NUMB: variants seen among roughly 807,000 people sequenced by gnomAD.
The protein encoded by NUMB is protein numb homolog.
NUMB carries 29 observed loss-of-function variants against 59.7 expected under a neutral mutation model. The ratio of observed to expected loss-of-function variants is 0.49; its 90% CI spans 0.36 to 0.66. The LOEUF (loss-of-function observed/expected upper bound fraction) is 0.66, where lower values mean the gene tolerates loss of function less well. Among genes scored for constraint, NUMB ranks in the 30% least tolerant of loss-of-function variants. The pLI, the probability that NUMB is intolerant of heterozygous loss-of-function variation, is 0.00. For missense variants in NUMB, 723 were observed against 822.0 expected (o/e 0.88, Z 1.47); for synonymous variants, 288 against 288.2 (o/e 1.00, Z 0.01).
chr14:73,292,702 C>G, intron 8 of NUMB, 32 bp downstream of exon 8: 1 of 1,610,378 alleles, frequency 6.2e-7, no homozygotes, highest in South Asian at 1.1e-5. Context: ...ACTGAGAATA[C>G]TCATCATGAA....
intron 6 of NUMB, 135 bp from the exon 7 acceptor site, chr14:73,297,420 GC>G (rs1476998106): frequency 1.7e-6 from 1 of 588,582 alleles, no homozygotes; most frequent in African/African-American, 1.9e-5. Flanking sequence ...CAGGAGTGGT[GC>G]CCAAACCCAG....
At chr14:73,386,864 C>CTTTTTTTTTTTTTTTTT (rs1566773800) in intron 2 of NUMB, among the ~76,000 whole-genome samples, 1 of 73,808 alleles carries the variant, frequency 1.4e-5, no homozygotes, top group African/African-American at 5.5e-5. Flanking sequence ...TATCAGGTGT[C>CTTTTTTTTTTTTTTTTT]TTATTTTTTT....
rs1566756283 is a variant in NUMB at position 73,352,509 on chromosome 14, TATATATATATATATATA to T, written c.126+3100_126+3116del. On this transcript the variant is annotated intron_variant, in intron 4 of 12. Transcript: ENST00000555238. ...ATATATATATATATATATATATATATATATATATATATATATATATGTTTTTTTTTTTTTTTTTTTTT... is the reference window on the plus strand; with the variant it reads ...ATATATATATATATATATATATATATTATGTTTTTTTTTTTTTTTTTTTTT... Among the ~76,000 whole-genome samples, 97 of 17,676 alleles carry T rather than the reference TATATATATATATATATA, an allele frequency of 5.5e-3. 9 individuals are homozygous for T. Among genetic ancestry groups the T allele is most frequent in the African/African-American group, 6.6e-3 (14 of 2,132 alleles). 11.6% of individuals were successfully genotyped at this position (17,676 alleles called of 152,430 possible).
At chr14:73,296,251 T>C (rs1889761179) in intron 7 of NUMB, among the ~76,000 whole-genome samples, 1 of 152,158 alleles carries the variant, frequency 6.6e-6, no homozygotes, top group Admixed American at 6.5e-5. Context: ...AAGACCAGCC[T>C]GACCAACATG....
intron 1 of NUMB, among the ~76,000 whole-genome samples, chr14:73,449,276 G>A (rs1235488539): frequency 6.6e-6 from 1 of 152,002 alleles, no homozygotes; most frequent in African/African-American, 2.4e-5. Context: ...TAAGTGACCT[G>A]TGCATCTATG....
At chr14:73,377,602 T>G (rs1035232413) in intron 2 of NUMB, among the ~76,000 whole-genome samples, 2 of 152,104 alleles carry the variant, frequency 1.3e-5, no homozygotes, top group Non-Finnish European at 1.5e-5. Flanking sequence ...ATCATGCCAT[T>G]ACACTCCAGC....
intron 9 of NUMB, 30 bp from the exon 10 acceptor site, chr14:73,284,404 A>G (rs1467255305): frequency 3.2e-6 from 5 of 1,570,398 alleles, no homozygotes. Flanking sequence ...TGAAGACCTT[A>G]GCAATGTCTT....
At chr14:73,404,097 C>T (rs1028676419) in intron 2 of NUMB, among the ~76,000 whole-genome samples, 2 of 149,652 alleles carry the variant, frequency 1.3e-5, no homozygotes, top group African/African-American at 2.5e-5. Context: ...AAAAGATTAG[C>T]GAGGCATGGT....
At chr14:73,288,372 G>A (rs553806005) in intron 8 of NUMB, among the ~76,000 whole-genome samples, 6 of 152,154 alleles carry the variant, frequency 3.9e-5, no homozygotes, top group African/African-American at 1.2e-4. Context: ...CCAACGTGGC[G>A]AAACCCCGTC....
At position 73,398,427 on chromosome 14, in the gene NUMB, T is replaced by A. The variant is rs1015057544; in HGVS notation, c.-101+11510A>T. 5.0e-5 allele frequency among the ~76,000 whole-genome samples: 7 copies of A among 140,036 alleles called. No individual in the cohort carries two copies. The South Asian group carries it at 6.3e-4, about 13-fold the overall frequency. 91.9% of individuals were successfully genotyped at this position (140,036 alleles called of 152,430 possible). ...GAGAGAGAGAGAGAGTGTGTGTGTG[T>A]GTGTGTGTGTGTGTGTGTGTGTGTG... is the stretch of plus-strand genomic sequence containing the variant. On this transcript the variant is annotated intron_variant, in intron 2 of 12. Coordinates refer to ENST00000555238, the MANE Select transcript of NUMB (RefSeq NM_001005743.2).
At chr14:73,414,949 T>C (rs1897063731) in intron 1 of NUMB, among the ~76,000 whole-genome samples, 1 of 152,296 alleles carries the variant, frequency 6.6e-6, no homozygotes, top group Admixed American at 6.5e-5. Context: ...CTCGATCTGC[T>C]GACCTTGTGA....
intron 6 of NUMB, among the ~76,000 whole-genome samples, chr14:73,305,297 C>G (rs1226850573): frequency 6.6e-6 from 1 of 152,160 alleles, no homozygotes; most frequent in African/African-American, 2.4e-5. Context: ...TTTGCGACAT[C>G]TGATACAATC....
At chr14:73,445,810 G>A (rs750227921) in intron 1 of NUMB, among the ~76,000 whole-genome samples, 9 of 152,070 alleles carry the variant, frequency 5.9e-5, no homozygotes, top group African/African-American at 1.4e-4. Flanking sequence ...CAGGCAATTG[G>A]AGTTCATTTT....
intron 1 of NUMB, among the ~76,000 whole-genome samples, chr14:73,412,614 C>T (rs140754361): frequency 0.13 from 17,895 of 138,342 alleles, 1,494 homozygotes; most frequent in Admixed American, 0.24. Context: ...GCAACAAGAG[C>T]GAAACTCCGT....
At chr14:73,376,869 T>C (rs1594964894) in intron 2 of NUMB, among the ~76,000 whole-genome samples, 2 of 152,242 alleles carry the variant, frequency 1.3e-5, no homozygotes, top group African/African-American at 4.8e-5. Context: ...CTAGACAACA[T>C]GGTGAGACTC....
chr14:73,319,932 C>A (rs1345686330), intron 5 of NUMB, among the ~76,000 whole-genome samples: 1 of 152,054 alleles, frequency 6.6e-6, no homozygotes, highest in Admixed American at 6.6e-5. Context: ...GAATTCAAGA[C>A]CACCCTGGCC....
At chr14:73,453,126 TTTTTG>T (rs372947742) in intron 1 of NUMB, among the ~76,000 whole-genome samples, 3,216 of 151,742 alleles carry the variant, frequency 0.021, 58 homozygotes, top group Non-Finnish European at 0.034. Flanking sequence ...TTATGGTTTC[TTTTTG>T]TTTTGTTTTG....
chr14:73,385,876 C>T (rs1045055154), intron 2 of NUMB, among the ~76,000 whole-genome samples: 6 of 152,082 alleles, frequency 3.9e-5, no homozygotes, highest in Non-Finnish European at 7.4e-5. Context: ...TTGAAAAATT[C>T]GTTGCAATGG....
intron 6 of NUMB, among the ~76,000 whole-genome samples, chr14:73,303,788 C>T (rs1566734765): frequency 6.6e-6 from 1 of 151,740 alleles, no homozygotes; most frequent in East Asian, 1.9e-4. Flanking sequence ...GACAAAAATC[C>T]TTTTTTTTTC....
Sources: gnomAD v4.1 joint callset for allele counts (sites outside exome capture counted in the v4.1 genomes callset) on GRCh38, gnomAD v4.1.1 for gene constraint, MANE v1.5 for transcripts, NCBI Gene and HGNC (gene_info 2026-07-23, HGNC 2026-07-21) for gene names.